ARHGAP26: variants seen among roughly 807,000 people sequenced by gnomAD.
ARHGAP26 encodes rho GTPase-activating protein 26.
In ARHGAP26, 38 loss-of-function variants were observed where a neutral mutation model predicts 104.8. That is an observed-to-expected ratio of 0.36 (90% confidence interval 0.28 to 0.48). The LOEUF (loss-of-function observed/expected upper bound fraction) is 0.48. ARHGAP26 is among the 20% of genes least tolerant of loss of function. The probability of loss-of-function intolerance (pLI) is 0.99; values close to 1 mark genes in which losing one functional copy is unlikely to be tolerated. For synonymous variants in ARHGAP26, 341 were observed against 340.0 expected, an observed-to-expected ratio of 1.00 and a Z score of -0.03; for missense variants, 704 against 947.9, an observed-to-expected ratio of 0.74 and a Z score of 3.38.
At chr5:142,907,895 A>C in intron 9 of ARHGAP26, 91 bp downstream of exon 9, 4 of 732,796 alleles carry the variant, frequency 5.5e-6, no homozygotes, top group East Asian at 3.2e-5. Flanking sequence ...CCAGTGTTAT[A>C]TTTATGTTTC....
intron 21 of ARHGAP26, among the ~76,000 whole-genome samples, chr5:143,207,902 G>A (rs1313287566): frequency 6.6e-6 from 1 of 152,232 alleles, no homozygotes; most frequent in Non-Finnish European, 1.5e-5. Flanking sequence ...AGATCCACTG[G>A]GGGAGAGACG....
chr5:142,805,310 C>T (rs1261585409), intron 1 of ARHGAP26, among the ~76,000 whole-genome samples: 1 of 152,096 alleles, frequency 6.6e-6, no homozygotes, highest in Non-Finnish European at 1.5e-5. Flanking sequence ...CCATGTTGGT[C>T]AGGCTGTTCT....
At chr5:142,949,177 GA>G (rs1767683293) in intron 11 of ARHGAP26, among the ~76,000 whole-genome samples, 1 of 2,118 alleles carries the variant, frequency 4.7e-4, no homozygotes, top group African/African-American at 2.1e-3. Context: ...GAGAGAGAGA[GA>G]GAGAGAGAGA....
At chr5:142,890,180 ATATATATATATATATATG>A (rs1404615460) in intron 5 of ARHGAP26, among the ~76,000 whole-genome samples, 4 of 115,652 alleles carry the variant, frequency 3.5e-5, no homozygotes, top group African/African-American at 1.2e-4. Context: ...ATATATATAT[ATATATATATATATATATG>A]AAAGTGCATT....
At chr5:142,970,574 AGTTGGGTC>A (rs1448477940) in intron 11 of ARHGAP26, among the ~76,000 whole-genome samples, 1 of 152,140 alleles carries the variant, frequency 6.6e-6, no homozygotes, top group Non-Finnish European at 1.5e-5. Flanking sequence ...GAAGTCTTGG[AGTTGGGTC>A]ACATGCCCAT....
In ARHGAP26 at chr5:142,885,272, C is replaced by G. The variant is rs1407312830; in HGVS notation, c.385-26C>G. 5 of 1,598,288 alleles carry G rather than the reference C, an allele frequency of 3.1e-6. No homozygotes were observed. In the Admixed American group the frequency reaches 8.4e-5, roughly 27 times the overall value. ...ATTCCTGCAACGTGTTACTCTTTTT[C>G]TTTTTCTCTTCTCTTTTTTTGCCAG... is the stretch of plus-strand genomic sequence containing the variant. On this transcript the variant is annotated intron_variant, in intron 4 of 22. Transcript: ENST00000645722.
intron 1 of ARHGAP26, among the ~76,000 whole-genome samples, chr5:142,827,999 C>T (rs1314995179): frequency 6.6e-6 from 1 of 152,094 alleles, no homozygotes; most frequent in Non-Finnish European, 1.5e-5. Context: ...CTTGGTCTTC[C>T]AAGTATTGAA....
At chr5:142,914,277 A>G (rs1156758773) in intron 10 of ARHGAP26, among the ~76,000 whole-genome samples, 2 of 152,310 alleles carry the variant, frequency 1.3e-5, no homozygotes, top group East Asian at 3.9e-4. Context: ...TCCCATGGAG[A>G]CAGCGTGCCC....
intron 1 of ARHGAP26, among the ~76,000 whole-genome samples, chr5:142,831,598 G>A (rs1037842769): frequency 1.3e-5 from 2 of 151,888 alleles, no homozygotes; most frequent in East Asian, 1.9e-4. Flanking sequence ...TGTCTCAAAC[G>A]CAAGCCACCC....
At position 142,793,759 on chromosome 5, in the gene ARHGAP26, T is replaced by G. The variant is rs1258580984; in HGVS notation, c.154+22844T>G. Among the ~76,000 whole-genome samples, 2 of 151,938 alleles carry G rather than the reference T, an allele frequency of 1.3e-5. 1 individual carries two copies. Among genetic ancestry groups the G allele is most frequent in the Non-Finnish European group, 2.9e-5 (2 of 67,972 alleles). On this transcript the variant is annotated intron_variant, in intron 1 of 22. Transcript: ENST00000645722. ...TGCGCCACCATGCCTAGCTAATTTTTGTATTTTAAGTAGATACGGGGTTTC... is the reference window on the plus strand; with the variant it reads ...TGCGCCACCATGCCTAGCTAATTTTGGTATTTTAAGTAGATACGGGGTTTC...
At chr5:143,219,879 T>TATA (rs1417981299) in intron 22 of ARHGAP26, among the ~76,000 whole-genome samples, 1 of 152,220 alleles carries the variant, frequency 6.6e-6, no homozygotes, top group Non-Finnish European at 1.5e-5. Context: ...CATGCTTTCG[T>TATA]ATAAATCCTG....
intron 18 of ARHGAP26, 131 bp from the exon 19 acceptor site, chr5:143,133,836 T>C: frequency 2.5e-6 from 2 of 816,294 alleles, no homozygotes; most frequent in East Asian, 2.9e-5. Flanking sequence ...CTTGAACAAC[T>C]GCCAGTGGTC....
At chr5:143,041,954 C>T in intron 14 of ARHGAP26, 64 bp downstream of exon 14, 1 of 1,417,222 alleles carries the variant, frequency 7.1e-7, no homozygotes, top group South Asian at 1.2e-5. Flanking sequence ...GAAAAGTCAC[C>T]AGGTCTGTGA....
At chr5:142,908,980 G>A (rs13187932) in intron 9 of ARHGAP26, 16,824 of 163,464 alleles carry the variant, frequency 0.1, 1,645 homozygotes, top group African/African-American at 0.26. Flanking sequence ...TTCTTCCTTT[G>A]ATATTCTACA....
chr5:142,884,271 C>T (rs1757400565), intron 4 of ARHGAP26, among the ~76,000 whole-genome samples: 1 of 152,216 alleles, frequency 6.6e-6, no homozygotes, highest in African/African-American at 2.4e-5. Context: ...GCTCCAATCC[C>T]AGCTCTGTCA....
At chr5:143,034,162 G>A (rs576328158) in intron 12 of ARHGAP26, among the ~76,000 whole-genome samples, 10 of 152,190 alleles carry the variant, frequency 6.6e-5, no homozygotes, top group Non-Finnish European at 1.3e-4. Flanking sequence ...ATGAAAACTG[G>A]TGCAGCTGCT....
chr5:143,177,182 A>G (rs58232229), intron 20 of ARHGAP26, among the ~76,000 whole-genome samples: 8,241 of 152,228 alleles, frequency 0.054, 745 homozygotes, highest in African/African-American at 0.19. Context: ...ACAATCTAGA[A>G]TAAATGATAA....
intron 17 of ARHGAP26, among the ~76,000 whole-genome samples, chr5:143,110,650 A>G (rs1265912930): frequency 1.3e-5 from 2 of 152,232 alleles, no homozygotes; most frequent in Non-Finnish European, 2.9e-5. Flanking sequence ...AATCAATGAT[A>G]ATGAATGTGG....
In ARHGAP26 at chr5:143,225,769, C is replaced by T. The variant is rs917264827; in HGVS notation, c.*3323C>T. On this transcript the variant is annotated 3_prime_UTR_variant, in exon 23 of 23. Transcript: ENST00000645722. ...GCCCATGAGCTGCTGCCAATGGGAT[C>T]TTTCAGGTACCCCCTCCCCAGCTTC... 2 of 230,302 alleles carry T rather than the reference C, an allele frequency of 8.7e-6. No homozygotes were observed. The highest frequency in any genetic ancestry group is 4.4e-5 in the African/African-American group (2 of 45,094). 14.3% of individuals were successfully genotyped at this position (230,302 alleles called of 1,614,324 possible).
Sources: allele counts gnomAD v4.1 joint callset (sites outside exome capture counted in the v4.1 genomes callset), GRCh38; gene constraint gnomAD v4.1.1; transcripts MANE v1.5; gene names NCBI Gene and HGNC (gene_info 2026-07-23, HGNC 2026-07-21).